GPATCH2L: variants seen among roughly 807,000 people sequenced by gnomAD.
GPATCH2L encodes G patch domain-containing protein 2-like.
In GPATCH2L, 31 loss-of-function variants were observed where a neutral mutation model predicts 57.4. The observed-to-expected ratio is 0.54, with a 90% CI of 0.41 to 0.73. GPATCH2L has a LOEUF of 0.73. Ranked by LOEUF, GPATCH2L falls within the 30% of genes least tolerant of loss-of-function variation. The probability of loss-of-function intolerance (pLI) is 0.00; values close to 1 mark genes in which losing one functional copy is unlikely to be tolerated. For synonymous variants in GPATCH2L, 199 were observed against 210.7 expected (o/e 0.94, Z 0.48); for missense variants, 481 against 599.9 (o/e 0.80, Z 2.07).
intron 3 of GPATCH2L, chr14:76,170,646 A>T (rs2039041946): frequency 1.3e-5 from 2 of 152,152 alleles, no homozygotes; most frequent in Admixed American, 6.5e-5. Flanking sequence ...TTAATGAGAT[A>T]CCAACGATAA....
At position 76,163,632 on chromosome 14, in the gene GPATCH2L, T is replaced by C. The variant is rs574262817; in HGVS notation, c.663-3031T>C. On this transcript the variant is annotated intron_variant, in intron 2 of 9. Transcript: ENST00000261530. ...AAATAATATTTAGACACAGACTTGGTACCCTAGAAGTAGCTTTCTAATCTT... is the reference window on the plus strand; with the variant it reads ...AAATAATATTTAGACACAGACTTGGCACCCTAGAAGTAGCTTTCTAATCTT... Among the ~76,000 whole-genome samples, 121 of 152,370 alleles carry C rather than the reference T, an allele frequency of 7.9e-4. 2 individuals carry two copies. The South Asian group carries it at 0.024, about 30-fold the overall frequency.
At chr14:76,159,369 G>C (rs1484157439) in intron 2 of GPATCH2L, among the ~76,000 whole-genome samples, 2 of 152,180 alleles carry the variant, frequency 1.3e-5, no homozygotes, top group Non-Finnish European at 2.9e-5. Context: ...TTATTTCGCA[G>C]AATTTGTTCA....
At chr14:76,215,771 T>TTGGGGGA (rs1213345222), downstream of GPATCH2L, among the ~76,000 whole-genome samples, 1 of 50,414 alleles carries the variant, frequency 2.0e-5, no homozygotes, top group East Asian at 7.2e-4. Context: ...TGTGGTGGGG[T>TTGGGGGA]GGGGGGAGGG....
chr14:76,216,812 T>C (rs1412756150), downstream of GPATCH2L, among the ~76,000 whole-genome samples: 3 of 151,980 alleles, frequency 2.0e-5, no homozygotes, highest in East Asian at 5.8e-4. Flanking sequence ...TCTGAAAGTG[T>C]GGTATAGGTG....
intron 8 of GPATCH2L, among the ~76,000 whole-genome samples, chr14:76,184,317 A>G (rs1480658361): frequency 2.0e-5 from 3 of 152,070 alleles, no homozygotes; most frequent in Non-Finnish European, 4.4e-5. Context: ...CTCCTTTAAG[A>G]GCACAAAGAG....
At chr14:76,198,680 A>G (rs544508899) in intron 9 of GPATCH2L, among the ~76,000 whole-genome samples, 1 of 152,304 alleles carries the variant, frequency 6.6e-6, no homozygotes, top group African/African-American at 2.4e-5. Flanking sequence ...CTAATAGTTA[A>G]TCTGTTAATT....
Position 76,171,930 on chromosome 14 carries a change from A to G in GPATCH2L, c.815A>G (p.Asp272Gly), listed in dbSNP as rs1326520178. Residue 272 changes from aspartate to glycine, a missense_variant, in exon 4 of 10, where the codon GAT (aspartate) becomes GGT (glycine). This residue lies in a region of GPATCH2L where 248 missense variants were observed against 270.5 expected (regional missense o/e 0.92). Coordinates refer to ENST00000261530, the MANE Select transcript of GPATCH2L (RefSeq NM_017926.4). ...VPNLLPKWAP[D>G]HCSEVERMDS... ...AATCTTCTGCCCAAGTGGGCTCCTG[A>G]TCATTGTTCTGAAGTAGAAAGAATG... The G allele has an allele frequency of 1.2e-6, 2 of 1,609,948 alleles. No homozygotes were observed. The highest frequency in any genetic ancestry group is 1.7e-6 in the Non-Finnish European group (2 of 1,176,542).
chr14:76,171,919 G>C lies in GPATCH2L; in HGVS notation c.804G>C (p.Lys268Asn), dbSNP rs750230529. Residue 268 changes from lysine (K) to asparagine (N), a missense_variant, in exon 4 of 10, where the codon AAG becomes AAC. Lys to Asn is a moderately conservative substitution (Grantham distance 94). Transcript: ENST00000261530. ...TCACTGTCCCTAATCTTCTGCCCAA[G>C]TGGGCTCCTGATCATTGTTCTGAAG... The part of the protein sequence containing the change: ...PGFTVPNLLP[K>N]WAPDHCSEVE... 3 of 1,607,698 alleles carry C rather than the reference G, an allele frequency of 1.9e-6. No individual in the cohort carries two copies. In the South Asian group the frequency reaches 3.3e-5, roughly 18 times the overall value.
chr14:76,167,795 A>G (rs567858690), intron 3 of GPATCH2L, among the ~76,000 whole-genome samples: 1 of 152,194 alleles, frequency 6.6e-6, no homozygotes, highest in Non-Finnish European at 1.5e-5. Flanking sequence ...TGATTTTATT[A>G]TACCAGGAAA....
At chr14:76,178,813 C>A (rs77801740) in intron 7 of GPATCH2L, 31,305 of 152,354 alleles carry the variant, frequency 0.21, 3,568 homozygotes, top group African/African-American at 0.3. Flanking sequence ...GGGTTGGGGA[C>A]CCCTGCCTTA....
At chr14:76,221,618 A>G (rs1050246812) in intron 1 of GPATCH2L, among the ~76,000 whole-genome samples, 3 of 152,256 alleles carry the variant, frequency 2.0e-5, no homozygotes, top group Non-Finnish European at 2.9e-5. Context: ...ACAATCTGGT[A>G]CATGCAGGCA....
Position 76,176,367 on chromosome 14 carries a change from A to G in GPATCH2L, c.985-256A>G, listed in dbSNP as rs114847435. 727 of 497,206 alleles carry G rather than the reference A, an allele frequency of 1.5e-3. 5 individuals carry two copies. The highest frequency in any genetic ancestry group is 0.012 in the African/African-American group (640 of 51,740). 30.8% of individuals were successfully genotyped at this position (497,206 alleles called of 1,614,324 possible). ...TATAGTACTTATTAAAATACCATAT[A>G]TGGTGAACAGTGTCTATGATGTATT... On this transcript the variant is annotated intron_variant, in intron 5 of 9. Transcript: ENST00000261530.
intron 2 of GPATCH2L, among the ~76,000 whole-genome samples, chr14:76,158,002 A>G (rs1316084489): frequency 6.6e-6 from 1 of 152,156 alleles, no homozygotes; most frequent in Non-Finnish European, 1.5e-5. Flanking sequence ...TTTTCTACTG[A>G]TCTTTATTTA....
chr14:76,194,751 A>T (rs2040094636), intron 8 of GPATCH2L, among the ~76,000 whole-genome samples: 1 of 151,882 alleles, frequency 6.6e-6, no homozygotes, highest in Admixed American at 6.5e-5. Flanking sequence ...CTAGTTTTTT[A>T]AAATTGTGGT....
At chr14:76,170,639 A>G (rs1400703435) in intron 3 of GPATCH2L, 1 of 152,134 alleles carries the variant, frequency 6.6e-6, no homozygotes, top group Non-Finnish European at 1.5e-5. Context: ...TGTCCCATTA[A>G]TGAGATACCA....
chr14:76,157,761 CTT>C (rs2038379173), intron 2 of GPATCH2L, among the ~76,000 whole-genome samples: 1 of 151,856 alleles, frequency 6.6e-6, no homozygotes, highest in Non-Finnish European at 1.5e-5. Flanking sequence ...TAAACTCACT[CTT>C]TGCGACCTAA....
chr14:76,180,963 C>A, intron 8 of GPATCH2L, 114 bp downstream of exon 8: 1 of 688,656 alleles, frequency 1.5e-6, no homozygotes, highest in South Asian at 1.8e-5. Flanking sequence ...TCCTGACAAT[C>A]TTTTGAGGTA....
intron 8 of GPATCH2L, among the ~76,000 whole-genome samples, chr14:76,186,675 T>G (rs1241469939): frequency 6.6e-6 from 1 of 152,214 alleles, no homozygotes; most frequent in Non-Finnish European, 1.5e-5. Context: ...CTTGAATCTT[T>G]TGTCCTCTAT....
chr14:76,173,182 AC>A (rs1263215378), intron 4 of GPATCH2L, among the ~76,000 whole-genome samples: 1 of 152,140 alleles, frequency 6.6e-6, no homozygotes, highest in Non-Finnish European at 1.5e-5. Flanking sequence ...GTACAAACTA[AC>A]ATTTAATTTT....
Sources: gnomAD v4.1 joint callset for allele counts (sites outside exome capture counted in the v4.1 genomes callset) on GRCh38, gnomAD v4.1.1 for gene constraint, gnomAD v4.1.1 regional missense constraint, MANE v1.5 for transcripts, NCBI Gene and HGNC (gene_info 2026-07-23, HGNC 2026-07-21) for gene names.